PSD3: variants seen among roughly 807,000 people sequenced by gnomAD.
PSD3 encodes PH and SEC7 domain-containing protein 3.
A neutral mutation model predicts 105.5 loss-of-function variants in PSD3; 49 were observed. That is an observed-to-expected ratio of 0.46 (90% CI 0.37 to 0.59). The LOEUF (loss-of-function observed/expected upper bound fraction) is 0.59. Among genes scored for constraint, PSD3 ranks in the 20% least tolerant of loss-of-function variants. PSD3 has a pLI of 0.00. For missense variants in PSD3, 1,561 were observed against 1,263.8 expected (o/e 1.24, Z -3.57); for synonymous variants, 557 against 457.8 (o/e 1.22, Z -2.77).
At chr8:18,698,562 A>T (rs1801394146) in intron 9 of PSD3, among the ~76,000 whole-genome samples, 1 of 152,206 alleles carries the variant, frequency 6.6e-6, no homozygotes, top group Non-Finnish European at 1.5e-5. Context: ...GGAAAAGACA[A>T]GCAAAAAGAT....
intron 4 of PSD3, among the ~76,000 whole-genome samples, chr8:18,809,853 C>CA (rs138000640): frequency 0.037 from 5,619 of 151,522 alleles, 363 homozygotes; most frequent in African/African-American, 0.13. Flanking sequence ...CCTCTAAATA[C>CA]AAAAAAAACA....
intron 1 of PSD3, among the ~76,000 whole-genome samples, chr8:18,984,971 T>C (rs1401707800): frequency 6.6e-6 from 1 of 152,178 alleles, no homozygotes; most frequent in African/African-American, 2.4e-5. Flanking sequence ...TCTCACTCTG[T>C]TGCCCAGGCT....
intron 9 of PSD3, chr8:18,733,798 T>C (rs1013168163): frequency 1.3e-5 from 2 of 152,598 alleles, no homozygotes; most frequent in Admixed American, 6.5e-5. Context: ...ACCGGCAGTG[T>C]CTGCAATGTA....
At chr8:18,546,581 T>C (rs993624440) in intron 15 of PSD3, among the ~76,000 whole-genome samples, 9 of 152,180 alleles carry the variant, frequency 5.9e-5, no homozygotes, top group African/African-American at 2.2e-4. Context: ...AATGTAAAAA[T>C]TTTAAAATCT....
chr8:18,890,349 G>A (rs553364003), intron 2 of PSD3, among the ~76,000 whole-genome samples: 13 of 152,126 alleles, frequency 8.5e-5, no homozygotes, highest in Admixed American at 2.6e-4. Flanking sequence ...TTGTATTTTA[G>A]TCTGTTGTCT....
intron 1 of PSD3, among the ~76,000 whole-genome samples, chr8:18,962,785 A>G (rs369890586): frequency 6.6e-6 from 1 of 152,220 alleles, no homozygotes; most frequent in Non-Finnish European, 1.5e-5. Flanking sequence ...TAACAACTTT[A>G]TCTTGCCACA....
At chr8:18,596,568 T>C (rs939108420) in intron 12 of PSD3, among the ~76,000 whole-genome samples, 1 of 151,612 alleles carries the variant, frequency 6.6e-6, no homozygotes, top group African/African-American at 2.4e-5. Flanking sequence ...ATCAACAAAA[T>C]TGACAATCCT....
chr8:18,531,108 T>A lies in PSD3; in HGVS notation c.*4635A>T, dbSNP rs1319346711. ...AGGTGACAGCATTTTCTTTGATGAC[T>A]GACATACTGCCTGTAAGAATAGTCT... On this transcript the variant is annotated 3_prime_UTR_variant, in exon 16 of 16. Coordinates refer to ENST00000327040, the MANE Select transcript of PSD3 (RefSeq NM_015310.4). The A allele has an allele frequency of 2.6e-5, 4 of 152,556 alleles. No individual in the cohort carries two copies. Among genetic ancestry groups the A allele is most frequent in the Non-Finnish European group, 4.4e-5 (3 of 68,004 alleles). 9.5% of individuals were successfully genotyped at this position (152,556 alleles called of 1,614,324 possible).
intron 2 of PSD3, among the ~76,000 whole-genome samples, chr8:18,919,398 C>T (rs1353865333): frequency 6.6e-6 from 1 of 152,086 alleles, no homozygotes; most frequent in East Asian, 1.9e-4. Context: ...CCCGTGAGAA[C>T]AGGATTGCTC....
At chr8:18,567,441 G>C (rs1801859669) in intron 14 of PSD3, among the ~76,000 whole-genome samples, 2 of 152,112 alleles carry the variant, frequency 1.3e-5, no homozygotes, top group Admixed American at 6.5e-5. Context: ...TGGATAGATG[G>C]AGATGTCTGC....
At chr8:18,634,782 G>A (rs1807141551) in intron 10 of PSD3, among the ~76,000 whole-genome samples, 1 of 152,086 alleles carries the variant, frequency 6.6e-6, no homozygotes, top group Non-Finnish European at 1.5e-5. Context: ...CAGTGCTTTA[G>A]GTCCAGGGGA....
At chr8:19,057,668 G>C (rs761314382) in intron 1 of PSD3, among the ~76,000 whole-genome samples, 2 of 152,084 alleles carry the variant, frequency 1.3e-5, no homozygotes, top group Admixed American at 6.6e-5. Flanking sequence ...TGCCCCCAAA[G>C]AAGAGGGCCT....
At chr8:18,747,917 G>A (rs1233904531) in intron 9 of PSD3, among the ~76,000 whole-genome samples, 1 of 152,108 alleles carries the variant, frequency 6.6e-6, no homozygotes, top group Non-Finnish European at 1.5e-5. Flanking sequence ...GGTGGGAAGA[G>A]AAGGAAGGAA....
At chr8:18,982,951 T>C (rs537575903) in intron 1 of PSD3, among the ~76,000 whole-genome samples, 3 of 152,366 alleles carry the variant, frequency 2.0e-5, no homozygotes, top group South Asian at 2.1e-4. Context: ...AAGCCAGGCA[T>C]TGACTTCTCT....
Position 19,025,094 on chromosome 8 carries a change from T to G in PSD3, c.324+59112A>C, listed in dbSNP as rs114787558. Among the ~76,000 whole-genome samples the G allele has an allele frequency of 5.2e-3, 792 of 152,212 alleles. 8 individuals are homozygous for G. Among genetic ancestry groups the G allele is most frequent in the African/African-American group, 0.018 (768 of 41,530 alleles). On this transcript the variant is annotated intron_variant, in intron 1 of 1. Transcript: ENST00000521475. ...CATATACTAGGGACCAATAAGACCC[T>G]GAAAAGCAGGATGAGGGCCAAGTTG...
intron 2 of PSD3, among the ~76,000 whole-genome samples, chr8:18,902,765 T>A (rs188789282): frequency 4.6e-5 from 7 of 152,330 alleles, no homozygotes; most frequent in Non-Finnish European, 8.8e-5. Flanking sequence ...TGCAGACTCT[T>A]CATCTGCATT....
intron 2 of PSD3, among the ~76,000 whole-genome samples, chr8:18,922,507 G>A (rs558668172): frequency 6.6e-6 from 1 of 152,106 alleles, no homozygotes; most frequent in Non-Finnish European, 1.5e-5. Context: ...AGACTTCTGT[G>A]ACCAAATGTT....
At chr8:18,878,048 G>A (rs1817850840) in intron 2 of PSD3, among the ~76,000 whole-genome samples, 1 of 152,160 alleles carries the variant, frequency 6.6e-6, no homozygotes, top group African/African-American at 2.4e-5. Context: ...AATCTATACA[G>A]TACTGGCTTC....
intron 1 of PSD3, among the ~76,000 whole-genome samples, chr8:19,043,082 G>A (rs1478675546): frequency 6.6e-6 from 1 of 152,128 alleles, no homozygotes; most frequent in Non-Finnish European, 1.5e-5. Context: ...TATAAAAAAT[G>A]GGCAGAACAG....
Sources: allele counts gnomAD v4.1 joint callset (sites outside exome capture counted in the v4.1 genomes callset), GRCh38; gene constraint gnomAD v4.1.1; transcripts MANE v1.5; gene names NCBI Gene and HGNC (gene_info 2026-07-23, HGNC 2026-07-21).